CARS2: variants seen among roughly 807,000 people sequenced by gnomAD.
The protein encoded by CARS2 is cysteinyl-tRNA synthetase 2, mitochondrial.
In CARS2, 52 loss-of-function variants were observed where a neutral mutation model predicts 68.8. That is an observed-to-expected ratio of 0.76 (90% CI 0.61 to 0.95). The LOEUF is 0.95. Among genes scored for constraint, CARS2 ranks in the 40% least tolerant of loss-of-function variants. The probability of loss-of-function intolerance (pLI) is 0.00; values close to 1 mark genes in which losing one functional copy is unlikely to be tolerated. For missense variants in CARS2, 780 were observed against 754.2 expected (o/e 1.03, Z -0.40); for synonymous variants, 314 against 303.6 (o/e 1.03, Z -0.36).
At chr13:110,651,005 G>C (rs751834647) in intron 10 of CARS2, 29 bp downstream of exon 10, 3 of 1,556,122 alleles carry the variant, frequency 1.9e-6, no homozygotes, top group Non-Finnish European at 2.6e-6. Flanking sequence ...AGCTGGGGGG[G>C]GAGTCCACTC....
chr13:110,654,134 C>T (rs76052323), intron 9 of CARS2, among the ~76,000 whole-genome samples: 1 of 152,196 alleles, frequency 6.6e-6, no homozygotes, highest in African/African-American at 2.4e-5. Context: ...GCTGGGTACA[C>T]ATGCCAGTTG....
chr13:110,644,517 A>G, intron 12 of CARS2, 34 bp from the exon 13 acceptor site: 1 of 1,613,000 alleles, frequency 6.2e-7, no homozygotes, highest in Non-Finnish European at 8.5e-7. Context: ...GCTCCTTAAA[A>G]GCAGTCTTGA....
intron 3 of CARS2, among the ~76,000 whole-genome samples, chr13:110,696,594 G>A (rs964534615): frequency 6.6e-6 from 1 of 152,166 alleles, no homozygotes; most frequent in Non-Finnish European, 1.5e-5. Context: ...TTACATTGAA[G>A]TCAGACATTA....
chr13:110,651,019 G>A lies in CARS2; in HGVS notation c.1054+15C>T, dbSNP rs201352308. 23 of 1,601,606 alleles carry A rather than the reference G, an allele frequency of 1.4e-5. 1 individual carries two copies. The highest frequency in any genetic ancestry group is 1.6e-5 in the Non-Finnish European group (19 of 1,170,564). On this transcript the variant is annotated intron_variant, in intron 10 of 14. Coordinates refer to ENST00000257347, the MANE Select transcript of CARS2 (RefSeq NM_024537.4). ...GAGCTGGGGGGGGAGTCCACTCCACGTGTGCTCGGCTCACCTGAGCGGTAG... is the reference window on the plus strand; with the variant it reads ...GAGCTGGGGGGGGAGTCCACTCCACATGTGCTCGGCTCACCTGAGCGGTAG...
At chr13:110,669,309 A>G (rs2062737360) in intron 7 of CARS2, among the ~76,000 whole-genome samples, 1 of 152,148 alleles carries the variant, frequency 6.6e-6, no homozygotes, top group Non-Finnish European at 1.5e-5. Context: ...CTGGGAGTCC[A>G]TGAATGGAGC....
At chr13:110,641,636 T>C (rs1186367238) in intron 14 of CARS2, 28 bp from the exon 15 acceptor site, 2 of 1,569,392 alleles carry the variant, frequency 1.3e-6, no homozygotes, top group Non-Finnish European at 1.8e-6. Flanking sequence ...GGTCCAACTC[T>C]GAGCAGACAC....
intron 9 of CARS2, 91 bp downstream of exon 9, chr13:110,663,360 G>C: frequency 1.5e-6 from 2 of 1,298,132 alleles, no homozygotes; most frequent in Non-Finnish European, 2.1e-6. Flanking sequence ...CTGGGAATGG[G>C]ATTCCGTGGT....
At chr13:110,702,258 T>C (rs1399884848) in intron 2 of CARS2, among the ~76,000 whole-genome samples, 1 of 152,192 alleles carries the variant, frequency 6.6e-6, no homozygotes, top group Non-Finnish European at 1.5e-5. Context: ...AGCCATGTTA[T>C]TGTATCACTT....
rs916582775 is a variant in CARS2, at chr13:110,676,643, G to A, written c.785+331C>T. On this transcript the variant is annotated intron_variant, in intron 7 of 14. Coordinates refer to ENST00000257347, the MANE Select transcript of CARS2 (RefSeq NM_024537.4). The surrounding 1 kb of genome is among the most constrained non-coding windows in gnomAD (Gnocchi z 4.0). ...TGGGGGCTAGAGAAGTGCGAAGCGA[G>A]GAGGGATGTAGGTGCAAGCACTCTC... Among the ~76,000 whole-genome samples the A allele has an allele frequency of 6.6e-6, 1 of 152,094 alleles. No individual in the cohort carries two copies. The highest frequency in any genetic ancestry group is 1.5e-5 in the Non-Finnish European group (1 of 67,990).
chr13:110,642,252 C>T, intron 14 of CARS2, 63 bp downstream of exon 14: 2 of 1,312,792 alleles, frequency 1.5e-6, no homozygotes, highest in Non-Finnish European at 2.1e-6. Context: ...CTCTGATGGC[C>T]CCACGTCCTG....
intron 11 of CARS2, 145 bp downstream of exon 11, chr13:110,646,956 G>A (rs1390813029): frequency 2.1e-6 from 2 of 955,130 alleles, no homozygotes; most frequent in Non-Finnish European, 3.0e-6. Flanking sequence ...CTGTCTCCTG[G>A]GGCCTCTCTG....
chr13:110,646,435 CAAAG>C lies in CARS2; in HGVS notation c.1194-349_1194-346del, dbSNP rs1313593309. On this transcript the variant is annotated intron_variant, in intron 11 of 14. Transcript: ENST00000257347. ...GAGAGACGGCACGGCTGACCACTCACAAAGAGAGGCTGGGGAGGCCCAGCCCGGG... is the reference window on the plus strand; with the variant it reads ...GAGAGACGGCACGGCTGACCACTCACAGAGGCTGGGGAGGCCCAGCCCGGG... 2.2e-5 allele frequency: 4 copies of C among 183,650 alleles called. No individual in the cohort carries two copies. In the South Asian group the frequency reaches 5.0e-4, roughly 23 times the overall value. 11.4% of individuals were successfully genotyped at this position (183,650 alleles called of 1,614,324 possible). A position where few individuals can be genotyped will look rare whatever the true frequency, so the allele number is the denominator to read the frequency against.
intron 14 of CARS2, among the ~76,000 whole-genome samples, 160 bp downstream of exon 14, chr13:110,642,155 C>G (rs902681741): frequency 6.6e-6 from 1 of 152,124 alleles, no homozygotes; most frequent in African/African-American, 2.4e-5. Flanking sequence ...TGTGGTGAGC[C>G]GAGATCACGC....
At chr13:110,644,017 A>T in intron 13 of CARS2, 1 of 959,660 alleles carries the variant, frequency 1.0e-6, no homozygotes, top group South Asian at 1.5e-5. Flanking sequence ...AAGGGGGCTC[A>T]GGTCGCCAAC....
chr13:110,712,888 G>A (rs758270604), intron 1 of CARS2: 84 of 1,430,444 alleles, frequency 5.9e-5, no homozygotes, highest in Non-Finnish European at 7.4e-5. Context: ...ACTGAGTACC[G>A]GGAGACGACA....
At chr13:110,646,922 C>T in intron 11 of CARS2, 179 bp downstream of exon 11, 1 of 705,654 alleles carries the variant, frequency 1.4e-6, no homozygotes, top group Non-Finnish European at 2.2e-6. Flanking sequence ...CCTGACCCCA[C>T]ACCTGCACCT....
chr13:110,686,100 T>A (rs1260337235), intron 5 of CARS2, among the ~76,000 whole-genome samples: 1 of 150,394 alleles, frequency 6.6e-6, no homozygotes, highest in Non-Finnish European at 1.5e-5. Context: ...GACAAGTGAG[T>A]ATATTTAATA....
intron 7 of CARS2, among the ~76,000 whole-genome samples, chr13:110,675,475 G>GC (rs1192579936): frequency 6.6e-6 from 1 of 152,118 alleles, no homozygotes; most frequent in Non-Finnish European, 1.5e-5. Context: ...ACCAAACACT[G>GC]CATGTTCTCA....
rs764209340 is a variant in CARS2 at position 110,701,329 on chromosome 13, G to A, written c.393+109C>T. ...TCCACCTGTCTTGGCCTCCCAAAGT[G>A]CTGGGATTACAGGCGTAAGCTACCA... On this transcript the variant is annotated intron_variant, in intron 3 of 14. Coordinates refer to ENST00000257347, the MANE Select transcript of CARS2 (RefSeq NM_024537.4). 525 of 651,900 alleles carry A rather than the reference G, an allele frequency of 8.1e-4. 7 individuals are homozygous for A. The highest frequency in any genetic ancestry group is 1.3e-4 in the Non-Finnish European group (48 of 362,126). 40.4% of individuals were successfully genotyped at this position (651,900 alleles called of 1,614,324 possible).
Sources: gnomAD v4.1 joint callset for allele counts (sites outside exome capture counted in the v4.1 genomes callset) on GRCh38, gnomAD v4.1.1 for gene constraint, Gnocchi (gnomAD v3.1) non-coding constraint, MANE v1.5 for transcripts, NCBI Gene and HGNC (gene_info 2026-07-23, HGNC 2026-07-21) for gene names.